The following ODR4 variants were observed in gnomAD, a reference collection of about 807,000 sequenced individuals.
ODR4 encodes the protein protein odr-4 homolog.
ODR4 carries 47 observed loss-of-function variants against 60.2 expected under a neutral mutation model. The observed-to-expected ratio is 0.78, with a 90% CI of 0.62 to 1.00. The LOEUF is 1.00. Ranked by LOEUF, ODR4 falls within the 50% of genes least tolerant of loss-of-function variation. The pLI is 0.00. For synonymous variants in ODR4, 178 were observed against 175.5 expected, an observed-to-expected ratio of 1.01 and a Z score of -0.11; for missense variants, 488 against 530.8, an observed-to-expected ratio of 0.92 and a Z score of 0.79.
At chr1:186,414,743 A>G (rs920126754) in intron 12 of ODR4, among the ~76,000 whole-genome samples, 1 of 151,992 alleles carries the variant, frequency 6.6e-6, no homozygotes, top group African/African-American at 2.4e-5. Context: ...GATGATCTCG[A>G]TCTCCTGACC....
intron 4 of ODR4, among the ~76,000 whole-genome samples, 191 bp downstream of exon 4, chr1:186,386,274 A>T (rs1224298115): frequency 1.3e-5 from 2 of 152,172 alleles, no homozygotes; most frequent in African/African-American, 2.4e-5. Flanking sequence ...TTATATTTTT[A>T]AAAACTACAC....
chr1:186,384,383 T>G lies in ODR4; in HGVS notation c.234+1227T>G, dbSNP rs150520291. Among the ~76,000 whole-genome samples, 23 of 152,170 alleles carry G rather than the reference T, an allele frequency of 1.5e-4. No homozygotes were observed. The East Asian group carries it at 4.3e-3, about 28-fold the overall frequency. On this transcript the variant is annotated intron_variant, in intron 3 of 13. Coordinates refer to ENST00000287859, the MANE Select transcript of ODR4 (RefSeq NM_017847.6). ...ATGGAACCAAGCCATTAATGAGGGA[T>G]CTGCCCCATGACCCAAACACCTTCC...
chr1:186,420,644 A>G lies in ODR4; in HGVS notation c.*1568A>G, dbSNP rs1661741471. On this transcript the variant is annotated 3_prime_UTR_variant, in exon 14 of 14. Transcript: ENST00000287859. ...AAAAAAGCCCTCAGACATGTTGAAT[A>G]TTTTATTAGACTCAGCTGAAGAGAC... 6.6e-6 allele frequency: 1 copy of G among 152,206 alleles called. No individual in the cohort carries two copies. The highest frequency in any genetic ancestry group is 2.4e-5 in the African/African-American group (1 of 41,454). 9.4% of individuals were successfully genotyped at this position (152,206 alleles called of 1,614,324 possible). A position where few individuals can be genotyped will look rare whatever the true frequency, so the allele number is the denominator to read the frequency against.
At chr1:186,409,822 G>T (rs1271251249) in intron 12 of ODR4, among the ~76,000 whole-genome samples, 1 of 152,158 alleles carries the variant, frequency 6.6e-6, no homozygotes, top group Non-Finnish European at 1.5e-5. Flanking sequence ...GGGATTACAG[G>T]TGTTAGTCAC....
At chr1:186,402,229 T>TCTTTCTTTCTTTCTTC (rs1558085205) in intron 11 of ODR4, among the ~76,000 whole-genome samples, 1 of 150,476 alleles carries the variant, frequency 6.6e-6, no homozygotes, top group Non-Finnish European at 1.5e-5. Flanking sequence ...TTTCTTTCTT[T>TCTTTCTTTCTTTCTTC]CTTTCCTTTC....
At chr1:186,392,112 G>A (rs1176412080) in intron 8 of ODR4, among the ~76,000 whole-genome samples, 3 of 152,094 alleles carry the variant, frequency 2.0e-5, no homozygotes, top group African/African-American at 7.2e-5. Flanking sequence ...CAGAATCGCT[G>A]TTATTAAAAA....
intron 8 of ODR4, 42 bp from the exon 9 acceptor site, chr1:186,393,905 C>T (rs372869720): frequency 2.4e-4 from 246 of 1,043,232 alleles, no homozygotes; most frequent in Non-Finnish European, 2.9e-4. Context: ...TTATGTTTTA[C>T]AGGCTTCACA....
At chr1:186,409,192 C>CG (rs1661282254) in intron 12 of ODR4, among the ~76,000 whole-genome samples, 1 of 111,102 alleles carries the variant, frequency 9.0e-6, no homozygotes, top group African/African-American at 3.5e-5. Flanking sequence ...GACCCTGTCT[C>CG]AAAAAAAAAA....
the ODR4 span, among the ~76,000 whole-genome samples, chr1:186,430,003 GTTGT>G: frequency 4.6e-5 from 7 of 151,998 alleles, no homozygotes; most frequent in Non-Finnish European, 1.0e-4. Context: ...AGAAGTTACA[GTTGT>G]TTGTTTTTGC....
At chr1:186,379,439 G>T (rs376192183) in intron 1 of ODR4, among the ~76,000 whole-genome samples, 1 of 120,790 alleles carries the variant, frequency 8.3e-6, no homozygotes, top group African/African-American at 3.4e-5. Context: ...GCAAAACTCC[G>T]TCTCAAAAAA....
intron 12 of ODR4, among the ~76,000 whole-genome samples, chr1:186,414,509 G>GA (rs907000423): frequency 7.3e-5 from 11 of 150,834 alleles, no homozygotes; most frequent in Admixed American, 6.6e-4. Flanking sequence ...AAATATGGGG[G>GA]AAAAAAACAA....
chr1:186,387,618 C>T (rs1242633666), intron 4 of ODR4, among the ~76,000 whole-genome samples: 1 of 152,110 alleles, frequency 6.6e-6, no homozygotes, highest in East Asian at 1.9e-4. Flanking sequence ...TCAGTGTCAC[C>T]CATTATTGTT....
rs552992396 is a variant in ODR4, at chr1:186,419,444, A to G, written c.*368A>G. ...AACTTTAACAGAGGCATGATGGCTC[A>G]CACGTATAATCCTAATGCTTTGAGA... On this transcript the variant is annotated 3_prime_UTR_variant, in exon 14 of 14. Coordinates refer to ENST00000287859, the MANE Select transcript of ODR4 (RefSeq NM_017847.6). The G allele has an allele frequency of 2.2e-5, 5 of 229,952 alleles. No homozygotes were observed. The South Asian group carries it at 2.5e-4, about 11-fold the overall frequency. The allele number at this position is 229,952 out of a possible 1,614,324, so 14.2% of individuals were successfully genotyped here.
At chr1:186,402,218 C>CTTTCTTTCTTTCTTTCTT (rs1558085091) in intron 11 of ODR4, among the ~76,000 whole-genome samples, 1 of 149,084 alleles carries the variant, frequency 6.7e-6, no homozygotes, top group African/African-American at 2.5e-5. Flanking sequence ...TTCTTTCTTT[C>CTTTCTTTCTTTCTTTCTT]TTTCTTTCTT....
intron 12 of ODR4, among the ~76,000 whole-genome samples, chr1:186,414,572 T>C (rs1011767657): frequency 1.0e-4 from 15 of 149,110 alleles, no homozygotes; most frequent in Non-Finnish European, 3.0e-5. Flanking sequence ...CAGGCTGGAG[T>C]GCACTGGCAC....
chr1:186,401,266 G>A (rs1660934717), intron 11 of ODR4: 2 of 1,247,468 alleles, frequency 1.6e-6, no homozygotes, highest in East Asian at 5.1e-5. Flanking sequence ...ACATTTAGAA[G>A]TTAATGTTAA....
At chr1:186,385,631 A>G (rs768472122) in intron 3 of ODR4, among the ~76,000 whole-genome samples, 5 of 152,090 alleles carry the variant, frequency 3.3e-5, no homozygotes, top group Admixed American at 1.3e-4. Flanking sequence ...GCCTCATTTG[A>G]CACTACTTTT....
At chr1:186,431,114 T>C in the ODR4 span, among the ~76,000 whole-genome samples, 2 of 152,140 alleles carry the variant, frequency 1.3e-5, no homozygotes, top group South Asian at 2.1e-4. Flanking sequence ...TCTAGCATAA[T>C]AGCTCAGAGG....
Position 186,405,762 on chromosome 1 carries a change from C to T in ODR4, c.1001-321C>T, listed in dbSNP as rs112197238. Reference sequence around the variant, plus strand: ...AAACGGGGTTTCACCATGTTGGCCACGTTGGTCTCCAACTCCTGACCTCAA... The same window carrying T: ...AAACGGGGTTTCACCATGTTGGCCATGTTGGTCTCCAACTCCTGACCTCAA... On this transcript the variant is annotated intron_variant, in intron 11 of 13. Coordinates refer to ENST00000287859, the MANE Select transcript of ODR4 (RefSeq NM_017847.6). Among the ~76,000 whole-genome samples the T allele has an allele frequency of 6.8e-3, 1,034 of 151,990 alleles. 17 individuals carry two copies. Among genetic ancestry groups the T allele is most frequent in the African/African-American group, 0.024 (995 of 41,444 alleles).
Sources: allele counts gnomAD v4.1 joint callset (sites outside exome capture counted in the v4.1 genomes callset), GRCh38; gene constraint gnomAD v4.1.1; transcripts MANE v1.5; gene names NCBI Gene and HGNC (gene_info 2026-07-23, HGNC 2026-07-21).